Variants in IQCE observed in about 807,000 individuals in gnomAD.
IQCE encodes the protein IQ domain-containing protein E.
In IQCE, 115 loss-of-function variants were observed where a neutral mutation model predicts 96.0. The observed-to-expected ratio is 1.20, with a 90% CI of 1.03 to 1.40. The LOEUF is 1.40. Among genes scored for constraint, IQCE ranks in the 40% most tolerant of loss-of-function variants. The probability of loss-of-function intolerance (pLI) is 0.00; values close to 1 mark genes in which losing one functional copy is unlikely to be tolerated. For synonymous variants in IQCE, 412 were observed against 371.2 expected, an observed-to-expected ratio of 1.11 and a Z score of -1.26; for missense variants, 1,041 against 909.1, an observed-to-expected ratio of 1.15 and a Z score of -1.87.
chr7:2,605,985 G>A lies in IQCE; in HGVS notation c.1853G>A (p.Arg618Gln), dbSNP rs188642162. Residue 618 changes from arginine (R) to glutamine (Q), a missense_variant, in exon 20 of 22, where the codon CGG (arginine) becomes CAG (glutamine). Arg to Gln is a conservative substitution (Grantham distance 43, BLOSUM62 1). Transcript: ENST00000402050. ...TCCGCTCTGCGGGCACACCTGGCCC[G>A]GGCCAGGCACAGGTGAGTCAGGGTC... ...IQSALRAHLA[R>Q]ARHSATGKRT... 1,240 of 1,608,442 alleles carry A rather than the reference G, an allele frequency of 7.7e-4. 4 individuals carry two copies. Among genetic ancestry groups the A allele is most frequent in the Non-Finnish European group, 8.5e-4 (1,001 of 1,178,184 alleles).
rs573568522 is a variant in IQCE at position 2,593,194 on chromosome 7, C to T, written c.1349+68C>T. On this transcript the variant is annotated intron_variant, in intron 15 of 21. Coordinates refer to ENST00000402050, the MANE Select transcript of IQCE (RefSeq NM_152558.5). ...CGCACTCCTGCTACCACTGCGGCCC[C>T]CCGTGGCGTCTCAGCCTTGCTGCCA... 1.4e-4 allele frequency: 219 copies of T among 1,521,062 alleles called. 2 individuals are homozygous for T. The Middle Eastern group carries it at 1.6e-3, about 11-fold the overall frequency. The allele number at this position is 1,521,062 out of a possible 1,614,324, so 94.2% of individuals were successfully genotyped here.
chr7:2,585,278 T>A (rs1281522785), intron 11 of IQCE, among the ~76,000 whole-genome samples: 1 of 152,190 alleles, frequency 6.6e-6, no homozygotes, highest in Non-Finnish European at 1.5e-5. Context: ...CCTCAGGTGA[T>A]CCGCCTGCCT....
chr7:2,581,684 G>A (rs1284608169), intron 8 of IQCE, among the ~76,000 whole-genome samples: 1 of 151,044 alleles, frequency 6.6e-6, no homozygotes, highest in Non-Finnish European at 1.5e-5. Context: ...CTATTTAAAA[G>A]TTGTCTATTT....
In IQCE at chr7:2,572,330, A is replaced by G; in HGVS notation, c.394+4A>G. ...CTCAGGCGCTCTGCCAGCAACGGTG[A>G]GCATGCCGATGGTGGCGAGGCTGAG... On this transcript the variant is annotated splice_donor_region_variant and intron_variant, in intron 5 of 21. Coordinates refer to ENST00000402050, the MANE Select transcript of IQCE (RefSeq NM_152558.5). 6.2e-7 allele frequency: 1 copy of G among 1,613,512 alleles called. No individual in the cohort carries two copies. Among genetic ancestry groups the G allele is most frequent in the Non-Finnish European group, 8.5e-7 (1 of 1,179,726 alleles).
chr7:2,596,022 A>G (rs1428380651), intron 16 of IQCE, among the ~76,000 whole-genome samples: 1 of 152,262 alleles, frequency 6.6e-6, no homozygotes, highest in Non-Finnish European at 1.5e-5. Context: ...TTCAGAAGGC[A>G]GATGTGAGCC....
At chr7:2,573,215 CTCTA>C (rs1781883872) in intron 5 of IQCE, among the ~76,000 whole-genome samples, 199 bp from the exon 6 acceptor site, 1 of 152,362 alleles carries the variant, frequency 6.6e-6, no homozygotes, top group African/African-American at 2.4e-5. Context: ...CTTCATCTCT[CTCTA>C]TCTACCATTT....
intron 8 of IQCE, 55 bp downstream of exon 8, chr7:2,578,581 C>A: frequency 1.3e-6 from 2 of 1,571,904 alleles, no homozygotes; most frequent in Non-Finnish European, 1.8e-6. Flanking sequence ...TTACTGGGGA[C>A]AGCCACAGAG....
At chr7:2,595,306 C>T (rs533049706) in intron 16 of IQCE, among the ~76,000 whole-genome samples, 16 of 152,278 alleles carry the variant, frequency 1.1e-4, no homozygotes, top group African/African-American at 3.4e-4. Context: ...GGGGAAAGGA[C>T]GAAGGCTCAA....
At chr7:2,600,546 C>A (rs1280828671) in intron 17 of IQCE, among the ~76,000 whole-genome samples, 1 of 152,196 alleles carries the variant, frequency 6.6e-6, no homozygotes, top group Admixed American at 6.5e-5. Flanking sequence ...GGGCCAACTC[C>A]TCGTCCTCCC....
intron 15 of IQCE, among the ~76,000 whole-genome samples, chr7:2,594,065 G>C (rs1310121939): frequency 6.6e-6 from 1 of 151,950 alleles, no homozygotes; most frequent in Non-Finnish European, 1.5e-5. Flanking sequence ...TTCAAGACCA[G>C]CCTGACCAAC....
At chr7:2,586,464 A>G in intron 12 of IQCE, 93 bp downstream of exon 12, 1 of 1,352,744 alleles carries the variant, frequency 7.4e-7, no homozygotes, top group South Asian at 1.4e-5. Flanking sequence ...GAGGACAGGC[A>G]CCACGAGGGC....
rs571296917 is a variant in IQCE, at chr7:2,582,108, C to A, written c.631-472C>A. ...GAGGCCGCTGGAGCTGTTCTCCCTT[C>A]CCCAAATAGAGGGGAGTGGCTCCTC... On this transcript the variant is annotated intron_variant, in intron 8 of 21. Coordinates refer to ENST00000402050, the MANE Select transcript of IQCE (RefSeq NM_152558.5). 635 of 467,372 alleles carry A rather than the reference C, an allele frequency of 1.4e-3. 3 individuals are homozygous for A. The highest frequency in any genetic ancestry group is 0.012 in the African/African-American group (582 of 50,036). The allele number at this position is 467,372 out of a possible 1,614,324, so 29.0% of individuals were successfully genotyped here. A position where few individuals can be genotyped will look rare whatever the true frequency, so the allele number is the denominator to read the frequency against.
intron 1 of IQCE, among the ~76,000 whole-genome samples, chr7:2,560,805 A>G (rs892653905): frequency 3.3e-5 from 5 of 151,056 alleles, no homozygotes; most frequent in Non-Finnish European, 5.9e-5. Context: ...CAAATACAAA[A>G]AATTAGCCGG....
At chr7:2,569,103 C>G in intron 3 of IQCE, 104 bp downstream of exon 3, 1 of 1,105,208 alleles carries the variant, frequency 9.0e-7, no homozygotes, top group Non-Finnish European at 1.3e-6. Flanking sequence ...TGAGACCTGA[C>G]GCCTCAGCCA....
At chr7:2,593,999 T>C (rs1437190975) in intron 15 of IQCE, among the ~76,000 whole-genome samples, 7 of 152,218 alleles carry the variant, frequency 4.6e-5, no homozygotes, top group African/African-American at 1.7e-4. Context: ...CAGTGGCTCA[T>C]GCCTGTAATC....
At chr7:2,565,449 T>C (rs750710058) in intron 1 of IQCE, among the ~76,000 whole-genome samples, 1 of 152,190 alleles carries the variant, frequency 6.6e-6, no homozygotes, top group Admixed American at 6.6e-5. Context: ...GCATTTTGTT[T>C]ACTACACATA....
intron 13 of IQCE, among the ~76,000 whole-genome samples, chr7:2,589,329 C>T (rs1783389645): frequency 6.6e-6 from 1 of 152,032 alleles, no homozygotes; most frequent in African/African-American, 2.4e-5. Context: ...GATTGCACTC[C>T]AGCCTAGGTG....
chr7:2,571,987 C>A (rs1781784843), intron 4 of IQCE, among the ~76,000 whole-genome samples: 1 of 152,024 alleles, frequency 6.6e-6, no homozygotes, highest in East Asian at 1.9e-4. Context: ...AATATGTATA[C>A]CGTGGAAATA....
chr7:2,605,295 C>G (rs1583516954), intron 19 of IQCE, among the ~76,000 whole-genome samples: 1 of 152,242 alleles, frequency 6.6e-6, no homozygotes, highest in African/African-American at 2.4e-5. Flanking sequence ...GCGGCCCCTC[C>G]TCTGTATTGA....
Sources: allele counts gnomAD v4.1 joint callset (sites outside exome capture counted in the v4.1 genomes callset), GRCh38; gene constraint gnomAD v4.1.1; transcripts MANE v1.5; gene names NCBI Gene and HGNC (gene_info 2026-07-23, HGNC 2026-07-21).